The following LYST variants were observed in gnomAD, a reference collection of about 807,000 sequenced individuals.
LYST encodes the protein lysosomal trafficking regulator.
LYST carries 192 observed loss-of-function variants against 413.6 expected under a neutral mutation model. That is an observed-to-expected ratio of 0.46 (90% CI 0.41 to 0.52). The LOEUF is 0.52. Ranked by LOEUF, LYST falls within the 20% of genes least tolerant of loss-of-function variation. The probability of loss-of-function intolerance (pLI) is 0.00; values close to 1 mark genes in which losing one functional copy is unlikely to be tolerated. For missense variants in LYST, 3,815 were observed against 4,499.9 expected (o/e 0.85, Z 4.35); for synonymous variants, 1,525 against 1,567.3 (o/e 0.97, Z 0.64).
Position 235,730,875 on chromosome 1 carries a change from T to C in LYST, c.9016A>G (p.Lys3006Glu). ...KTHSSFSSTVKDKAASESIRV... is the reference protein window; with the variant it reads ...KTHSSFSSTVEDKAASESIRV... ...ATAGATTCACTTGCAGCTTTGTCTTTGACAGTAGAAGAGAAAGAAGAATGA... is the reference window on the plus strand; with the variant it reads ...ATAGATTCACTTGCAGCTTTGTCTTCGACAGTAGAAGAGAAAGAAGAATGA... Residue 3006 changes from lysine (K) to glutamate (E), a missense_variant, in exon 36 of 53, where the codon AAA becomes GAA. Physicochemically the swap from Lys to Glu is moderately conservative, Grantham distance 56. This residue lies in a region of LYST where 866 missense variants were observed against 1,156.0 expected (regional missense o/e 0.75). Transcript: ENST00000389793. The C allele has an allele frequency of 6.2e-7, 1 of 1,613,068 alleles. No homozygotes were observed. The highest frequency in any genetic ancestry group is 2.2e-5 in the East Asian group (1 of 44,842).
intron 3 of LYST, among the ~76,000 whole-genome samples, chr1:235,826,475 C>T (rs1240886016): frequency 6.6e-6 from 1 of 152,034 alleles, no homozygotes; most frequent in Non-Finnish European, 1.5e-5. Context: ...AATTATGCAA[C>T]AACATGGATG....
chr1:235,734,739 AT>A, intron 31 of LYST, 80 bp from the exon 32 acceptor site: 1 of 901,008 alleles, frequency 1.1e-6, no homozygotes, highest in Non-Finnish European at 1.7e-6. Context: ...ATTAAATTAT[AT>A]TGCTAGATTT....
intron 47 of LYST, among the ~76,000 whole-genome samples, chr1:235,687,816 T>G (rs938048660): frequency 6.6e-5 from 10 of 152,200 alleles, no homozygotes; most frequent in African/African-American, 2.4e-4. Context: ...GTCTTCTGAT[T>G]CAGAGAAAGA....
intron 28 of LYST, chr1:235,747,024 GA>G (rs1453886421): frequency 3.9e-6 from 1 of 259,598 alleles, no homozygotes; most frequent in Non-Finnish European, 7.7e-6. Flanking sequence ...AAGAGATCAG[GA>G]AGGTGAATAT....
chr1:235,846,078 G>C (rs777751251), intron 1 of LYST, among the ~76,000 whole-genome samples: 1 of 152,098 alleles, frequency 6.6e-6, no homozygotes, highest in Non-Finnish European at 1.5e-5. Context: ...TACAAAAATA[G>C]AGCATTAAAC....
intron 47 of LYST, among the ~76,000 whole-genome samples, chr1:235,690,233 CA>C (rs780291564): frequency 2.6e-5 from 4 of 152,138 alleles, no homozygotes; most frequent in Non-Finnish European, 5.9e-5. Context: ...AAATTTGTGT[CA>C]GTGTATTTTG....
chr1:235,800,862 A>AT lies in LYST; in HGVS notation c.3939+8dup, dbSNP rs1179407258. ...ATATTGATCACATTTAACTAAATGA[A>AT]TTTTTTACCTGTTGCATGAGCAGAA... On this transcript the variant is annotated intron_variant, in intron 9 of 52. Coordinates refer to ENST00000389793, the MANE Select transcript of LYST (RefSeq NM_000081.4). The AT allele has an allele frequency of 1.9e-6, 3 of 1,577,108 alleles. No individual in the cohort carries two copies. The highest frequency in any genetic ancestry group is 2.6e-6 in the Non-Finnish European group (3 of 1,147,834).
At chr1:235,857,752 C>T (rs993946943) in intron 1 of LYST, among the ~76,000 whole-genome samples, 86 of 122,996 alleles carry the variant, frequency 7.0e-4, no homozygotes, top group Non-Finnish European at 1.2e-3. Flanking sequence ...TACACACACA[C>T]ACACACACAC....
chr1:235,671,824 A>G (rs1317021500), intron 50 of LYST, among the ~76,000 whole-genome samples: 1 of 152,240 alleles, frequency 6.6e-6, no homozygotes. Flanking sequence ...AGAGGATGAC[A>G]TAATTCGATT....
chr1:235,746,868 T>A (rs1665971582), intron 28 of LYST, among the ~76,000 whole-genome samples: 2 of 152,232 alleles, frequency 1.3e-5, no homozygotes, highest in African/African-American at 4.8e-5. Flanking sequence ...ACTGTTTCAC[T>A]TCTTTGTATT....
intron 13 of LYST, among the ~76,000 whole-genome samples, chr1:235,787,947 T>C (rs1419932507): frequency 1.3e-5 from 2 of 152,076 alleles, no homozygotes; most frequent in African/African-American, 2.4e-5. Context: ...ATAAAGGAGA[T>C]AGTATAAAAG....
At chr1:235,733,982 C>A in intron 32 of LYST, 76 bp from the exon 33 acceptor site, 1 of 736,750 alleles carries the variant, frequency 1.4e-6, no homozygotes, top group Non-Finnish European at 2.2e-6. Context: ...GCCCAACAAA[C>A]TAATTTTAAA....
chr1:235,826,302 A>G (rs1675327293), intron 3 of LYST, among the ~76,000 whole-genome samples: 1 of 152,244 alleles, frequency 6.6e-6, no homozygotes. Context: ...GGACAAATGA[A>G]AACATATCCA....
intron 4 of LYST, 128 bp downstream of exon 4, chr1:235,812,843 T>C (rs1448044749): frequency 1.4e-6 from 1 of 698,864 alleles, no homozygotes; most frequent in African/African-American, 1.8e-5. Context: ...ATTTTTCATA[T>C]TTAGTATGAA....
intron 44 of LYST, among the ~76,000 whole-genome samples, chr1:235,704,319 G>A (rs1240860974): frequency 2.0e-5 from 3 of 152,178 alleles, no homozygotes; most frequent in Admixed American, 2.0e-4. Flanking sequence ...CTAGCTCTCT[G>A]AGGAATCACC....
At chr1:235,738,499 C>G in intron 31 of LYST, 1 of 1,612,156 alleles carries the variant, frequency 6.2e-7, no homozygotes, top group South Asian at 1.1e-5. Flanking sequence ...AATCTGGACT[C>G]AGCCCAATTC....
rs1335201684 is a variant in LYST at position 235,752,240 on chromosome 1, C to A, written c.7461-69G>T. On this transcript the variant is annotated intron_variant, in intron 26 of 52. Transcript: ENST00000389793. ...AAAGAACAAATAATTTAAGACACAG[C>A]TAACTGATTTAAATGGTTTAAATTC... is the stretch of plus-strand genomic sequence containing the variant. 45 of 1,171,648 alleles carry A rather than the reference C, an allele frequency of 3.8e-5. No homozygotes were observed. In the South Asian group the frequency reaches 5.6e-4, roughly 15 times the overall value. The allele number at this position is 1,171,648 out of a possible 1,614,324, so 72.6% of individuals were successfully genotyped here.
At chr1:235,882,360 C>T (rs1312825646) in intron 1 of LYST, among the ~76,000 whole-genome samples, 2 of 152,170 alleles carry the variant, frequency 1.3e-5, no homozygotes, top group African/African-American at 2.4e-5. Flanking sequence ...CAGAGGGAGC[C>T]GATCTTGAAA....
At chr1:235,806,863 A>C (rs1672904287) in intron 5 of LYST, 91 bp from the exon 6 acceptor site, 2 of 848,690 alleles carry the variant, frequency 2.4e-6, no homozygotes, top group Admixed American at 4.2e-5. Flanking sequence ...TCGCTATTGC[A>C]TGTGGGATAT....
Sources: gnomAD v4.1 joint callset for allele counts (sites outside exome capture counted in the v4.1 genomes callset) on GRCh38, gnomAD v4.1.1 for gene constraint, gnomAD v4.1.1 regional missense constraint, MANE v1.5 for transcripts, NCBI Gene and HGNC (gene_info 2026-07-23, HGNC 2026-07-21) for gene names.